Variants in OPCML observed in about 807,000 individuals in gnomAD.
OPCML encodes opioid binding protein/cell adhesion molecule like, also known as opioid-binding protein/cell adhesion molecule.
A neutral mutation model predicts 37.8 loss-of-function variants in OPCML; 13 were observed. The observed-to-expected ratio is 0.34, with a 90% CI of 0.22 to 0.55. OPCML has a LOEUF of 0.55. Ranked by LOEUF, OPCML falls within the 20% of genes least tolerant of loss-of-function variation. OPCML has a pLI of 0.91. For synonymous variants in OPCML, 176 were observed against 168.8 expected (o/e 1.04, Z -0.33); for missense variants, 341 against 435.6 (o/e 0.78, Z 1.93).
At chr11:132,831,405 A>AC (rs1196888952) in intron 2 of OPCML, among the ~76,000 whole-genome samples, 2 of 152,014 alleles carry the variant, frequency 1.3e-5, no homozygotes, top group African/African-American at 4.8e-5. Flanking sequence ...GTGATGAGGC[A>AC]CCCCCACCAT....
At position 132,641,382 on chromosome 11, in the gene OPCML, G is replaced by C. The variant is rs149559365; in HGVS notation, c.379+15705C>G. ...TTCACCTCTTAAGGCAGGTGCAAGA[G>C]ATCCCAGGTCAGGCCTGTCCTGTTT... On this transcript the variant is annotated intron_variant, in intron 3 of 7. Coordinates refer to ENST00000524381, the MANE Select transcript of OPCML (RefSeq NM_001012393.5). Among the ~76,000 whole-genome samples the C allele has an allele frequency of 9.3e-4, 141 of 152,292 alleles. No homozygotes were observed. In the Middle Eastern group the frequency reaches 0.014, roughly 15 times the overall value.
chr11:133,068,479 A>T (rs907604070), intron 1 of OPCML, among the ~76,000 whole-genome samples: 3 of 152,208 alleles, frequency 2.0e-5, no homozygotes, highest in African/African-American at 7.2e-5. Context: ...TACATTCTTC[A>T]TCAAAATTCA....
chr11:133,131,328 A>G (rs573684120), intron 1 of OPCML, among the ~76,000 whole-genome samples: 1 of 152,182 alleles, frequency 6.6e-6, no homozygotes, highest in South Asian at 2.1e-4. Context: ...CCCCAAAATT[A>G]AATCAAAATG....
rs190995832 is a variant in OPCML, at chr11:133,022,708, G to A, written c.62-79698C>T. Among the ~76,000 whole-genome samples the A allele has an allele frequency of 2.6e-4, 40 of 152,214 alleles. No individual in the cohort carries two copies. In the East Asian group the frequency reaches 5.2e-3, roughly 20 times the overall value. The stretch of plus-strand genomic sequence containing the variant: ...GCTTTTTGGATGGGGTTTTGGTGAC[G>A]CACCATGGAAAAATATCATCCGTGG... On this transcript the variant is annotated intron_variant, in intron 1 of 7. Coordinates refer to ENST00000524381, the MANE Select transcript of OPCML (RefSeq NM_001012393.5).
At chr11:133,192,025 T>C (rs1400700875) in intron 1 of OPCML, among the ~76,000 whole-genome samples, 3 of 152,206 alleles carry the variant, frequency 2.0e-5, no homozygotes, top group Non-Finnish European at 2.9e-5. Context: ...ATAGATTCTT[T>C]CTAGATAGGT....
At chr11:132,493,272 G>C (rs2096221671) in intron 4 of OPCML, among the ~76,000 whole-genome samples, 1 of 152,248 alleles carries the variant, frequency 6.6e-6, no homozygotes, top group Non-Finnish European at 1.5e-5. Flanking sequence ...TAGAGCTCGG[G>C]AAGAGGGAAG....
intron 2 of OPCML, among the ~76,000 whole-genome samples, chr11:132,930,701 TAAAG>T (rs1018598821): frequency 2.6e-5 from 4 of 152,104 alleles, no homozygotes; most frequent in African/African-American, 9.7e-5. Context: ...ATTGTTGAAA[TAAAG>T]AACACAAAAA....
chr11:133,209,693 G>A (rs1025263996), intron 1 of OPCML, among the ~76,000 whole-genome samples: 1 of 152,120 alleles, frequency 6.6e-6, no homozygotes, highest in African/African-American at 2.4e-5. Context: ...TTCTATGAAT[G>A]GTGTGTTGAA....
At chr11:132,978,334 T>G (rs772441349) in intron 1 of OPCML, among the ~76,000 whole-genome samples, 2 of 152,198 alleles carry the variant, frequency 1.3e-5, no homozygotes, top group Non-Finnish European at 2.9e-5. Context: ...TGATCAGATT[T>G]TGGTTTAACA....
At chr11:132,788,224 T>G (rs1937645097) in intron 2 of OPCML, among the ~76,000 whole-genome samples, 1 of 152,184 alleles carries the variant, frequency 6.6e-6, no homozygotes. Flanking sequence ...TGTCCAAAAC[T>G]GAACTCTTGC....
chr11:133,506,566 C>A (rs975517748), intron 1 of OPCML, among the ~76,000 whole-genome samples: 5 of 152,152 alleles, frequency 3.3e-5, no homozygotes, highest in African/African-American at 4.8e-5. Flanking sequence ...GGATTAGCAA[C>A]ACTATTTTAT....
intron 2 of OPCML, among the ~76,000 whole-genome samples, chr11:132,740,293 T>C (rs1031981747): frequency 6.6e-6 from 1 of 152,174 alleles, no homozygotes; most frequent in Non-Finnish European, 1.5e-5. Context: ...ATTGGCTCCA[T>C]GGGAATGGGA....
chr11:133,340,604 C>A (rs556942466), intron 1 of OPCML, among the ~76,000 whole-genome samples: 2 of 106,082 alleles, frequency 1.9e-5, no homozygotes, highest in African/African-American at 8.7e-5. Context: ...AATTAAGACT[C>A]TCTCTGTGTG....
intron 2 of OPCML, among the ~76,000 whole-genome samples, chr11:132,670,223 T>C (rs1337318945): frequency 6.6e-6 from 1 of 151,948 alleles, no homozygotes; most frequent in African/African-American, 2.4e-5. Context: ...AAGCAGAGAG[T>C]CTGGGGAGCT....
chr11:133,461,422 G>T (rs1216210397), intron 1 of OPCML, among the ~76,000 whole-genome samples: 1 of 151,746 alleles, frequency 6.6e-6, no homozygotes, highest in Non-Finnish European at 1.5e-5. Flanking sequence ...TGCAAAAATT[G>T]GTGGTTGCTG....
At chr11:132,800,958 T>C (rs1394806513) in intron 2 of OPCML, among the ~76,000 whole-genome samples, 2 of 152,190 alleles carry the variant, frequency 1.3e-5, no homozygotes, top group African/African-American at 4.8e-5. Flanking sequence ...ATAAAAAAGC[T>C]TGTGAAGAAT....
rs77001856 is a variant in OPCML at position 132,940,315 on chromosome 11, G to C, written c.146+2611C>G. Among the ~76,000 whole-genome samples the C allele has an allele frequency of 2.8e-3, 426 of 152,288 alleles. 2 individuals carry two copies. The highest frequency in any genetic ancestry group is 9.5e-3 in the African/African-American group (395 of 41,564). On this transcript the variant is annotated intron_variant, in intron 2 of 7. Transcript: ENST00000524381. The stretch of plus-strand genomic sequence containing the variant: ...GGACTTCATTCAAGATTTAGAAACA[G>C]ATTCGAGATAGTTTGACCCAGGACA...
intron 1 of OPCML, among the ~76,000 whole-genome samples, chr11:133,467,758 A>G (rs1947009505): frequency 6.6e-6 from 1 of 152,156 alleles, no homozygotes; most frequent in African/African-American, 2.4e-5. Flanking sequence ...CTTCTGTGAC[A>G]CTACCAATTC....
At chr11:132,587,135 CT>C (rs565653984) in intron 3 of OPCML, among the ~76,000 whole-genome samples, 8 of 152,274 alleles carry the variant, frequency 5.3e-5, no homozygotes, top group African/African-American at 1.9e-4. Context: ...CTTGATGATA[CT>C]GGAGCTAACT....
Sources: gnomAD v4.1 joint callset for allele counts (sites outside exome capture counted in the v4.1 genomes callset) on GRCh38, gnomAD v4.1.1 for gene constraint, MANE v1.5 for transcripts, NCBI Gene and HGNC (gene_info 2026-07-23, HGNC 2026-07-21) for gene names.